The following RABGAP1 variants were observed in gnomAD, a reference collection of about 807,000 sequenced individuals.
RABGAP1 encodes the protein rab GTPase-activating protein 1.
In RABGAP1, 23 loss-of-function variants were observed where a neutral mutation model predicts 137.6. The ratio of observed to expected loss-of-function variants is 0.17; its 90% confidence interval spans 0.12 to 0.24. The LOEUF (loss-of-function observed/expected upper bound fraction) is 0.24. Ranked by LOEUF, RABGAP1 falls within the 10% of genes least tolerant of loss-of-function variation. The probability of loss-of-function intolerance (pLI) is 1.00; values close to 1 mark genes in which losing one functional copy is unlikely to be tolerated. For synonymous variants in RABGAP1, 451 were observed against 450.7 expected, an observed-to-expected ratio of 1.00 and a Z score of -0.01; for missense variants, 906 against 1,275.8, an observed-to-expected ratio of 0.71 and a Z score of 4.42.
At chr9:122,955,938 A>G (rs1834493247) in intron 1 of RABGAP1, among the ~76,000 whole-genome samples, 1 of 152,240 alleles carries the variant, frequency 6.6e-6, no homozygotes, top group South Asian at 2.1e-4. Context: ...ATAACGTTAT[A>G]TCGTTTTGTT....
intron 2 of RABGAP1, among the ~76,000 whole-genome samples, chr9:122,980,699 A>G (rs1187383594): frequency 1.3e-5 from 2 of 152,212 alleles, no homozygotes; most frequent in African/African-American, 4.8e-5. Flanking sequence ...CAAAAGTAAA[A>G]ATCATTTGCA....
chr9:122,941,347 C>T (rs1218518450), intron 1 of RABGAP1, among the ~76,000 whole-genome samples: 5 of 152,208 alleles, frequency 3.3e-5, no homozygotes, highest in Non-Finnish European at 5.9e-5. Flanking sequence ...AAACCGGTTC[C>T]CCCTGTCTGT....
chr9:123,051,316 T>C (rs990055350), intron 13 of RABGAP1, among the ~76,000 whole-genome samples: 2 of 134,856 alleles, frequency 1.5e-5, no homozygotes, highest in Non-Finnish European at 3.1e-5. Flanking sequence ...GGCGCGATCT[T>C]GGCCCACTGC....
chr9:122,947,407 T>C (rs949281807), intron 1 of RABGAP1, among the ~76,000 whole-genome samples: 1 of 152,190 alleles, frequency 6.6e-6, no homozygotes, highest in Admixed American at 6.5e-5. Flanking sequence ...ATGATGGTGA[T>C]GGTTGCATGA....
At chr9:122,956,669 T>C (rs1834544709) in intron 1 of RABGAP1, among the ~76,000 whole-genome samples, 1 of 144,316 alleles carries the variant, frequency 6.9e-6, no homozygotes. Flanking sequence ...AAAAAAAAAT[T>C]AGAGGGTAGA....
intron 13 of RABGAP1, chr9:123,062,661 T>C (rs2034021858): frequency 6.6e-6 from 1 of 152,258 alleles, no homozygotes; most frequent in Non-Finnish European, 1.5e-5. Context: ...CATTCTCTGA[T>C]AATTCCATGA....
intron 13 of RABGAP1, among the ~76,000 whole-genome samples, chr9:123,038,511 T>C (rs1218961389): frequency 1.3e-5 from 1 of 77,104 alleles, no homozygotes; most frequent in Non-Finnish European, 5.9e-5. Flanking sequence ...AAAATCTGCA[T>C]GTTGACTTGG....
intron 1 of RABGAP1, among the ~76,000 whole-genome samples, chr9:122,945,146 G>GTTTTTTTTTTTTTTTTTTTTTTTTTTTTT (rs1564348056): frequency 1.1e-4 from 1 of 9,182 alleles, no homozygotes; most frequent in African/African-American, 1.7e-4. Flanking sequence ...CATAGCTGTT[G>GTTTTTTTTTTTTTTTTTTTTTTTTTTTTT]CTTTTTTTTT....
At chr9:123,081,946 G>A (rs80160904) in intron 19 of RABGAP1, among the ~76,000 whole-genome samples, 2,820 of 152,060 alleles carry the variant, frequency 0.019, 89 homozygotes, top group African/African-American at 0.065. Flanking sequence ...GCTTTCCAAC[G>A]CATTCCACTG....
the RABGAP1 span, among the ~76,000 whole-genome samples, chr9:122,933,814 G>A: frequency 6.6e-6 from 1 of 151,908 alleles, no homozygotes; most frequent in Non-Finnish European, 1.5e-5. Context: ...TAGTAGAGAT[G>A]GGGTTTTACC....
chr9:122,985,611 C>CAAAAAAA (rs34147826), intron 3 of RABGAP1, among the ~76,000 whole-genome samples: 3 of 91,102 alleles, frequency 3.3e-5, no homozygotes, highest in Non-Finnish European at 3.9e-5. Flanking sequence ...GACTCCGTCT[C>CAAAAAAA]AAAAAAAAAA....
At chr9:122,997,979 C>A (rs898199480) in intron 9 of RABGAP1, among the ~76,000 whole-genome samples, 1 of 152,076 alleles carries the variant, frequency 6.6e-6, no homozygotes, top group Non-Finnish European at 1.5e-5. Flanking sequence ...CATTGTTAAC[C>A]AAATTTAAAA....
intron 5 of RABGAP1, 39 bp from the exon 6 acceptor site, chr9:122,990,017 T>G: frequency 6.6e-7 from 1 of 1,516,538 alleles, no homozygotes; most frequent in Non-Finnish European, 9.0e-7. Context: ...ATTTTATATC[T>G]TTTGATAACA....
chr9:123,009,531 T>G (rs1227256628), intron 10 of RABGAP1, among the ~76,000 whole-genome samples: 1 of 152,182 alleles, frequency 6.6e-6, no homozygotes, highest in Non-Finnish European at 1.5e-5. Context: ...AGCTCTCCCT[T>G]TTTATTCTTC....
At chr9:122,957,885 T>C (rs1446176061) in intron 2 of RABGAP1, among the ~76,000 whole-genome samples, 1 of 87,360 alleles carries the variant, frequency 1.1e-5, no homozygotes, top group Non-Finnish European at 2.1e-5. Flanking sequence ...GCTTTAATTC[T>C]TTTTTTTTTT....
At chr9:122,959,122 A>T (rs1436027819) in intron 2 of RABGAP1, among the ~76,000 whole-genome samples, 1 of 152,286 alleles carries the variant, frequency 6.6e-6, no homozygotes, top group South Asian at 2.1e-4. Flanking sequence ...TTTTTAGAGA[A>T]GGTCTTGAGA....
At chr9:123,002,522 C>T (rs28674730) in intron 10 of RABGAP1, among the ~76,000 whole-genome samples, 16,571 of 151,466 alleles carry the variant, frequency 0.11, 2,907 homozygotes, top group African/African-American at 0.37. Context: ...TTCCTTTTGA[C>T]ATCTAATGTT....
At position 123,024,142 on chromosome 9, in the gene RABGAP1, A is replaced by G. The variant is rs73664161; in HGVS notation, c.1794+3683A>G. Among the ~76,000 whole-genome samples, 297 of 152,346 alleles carry G rather than the reference A, an allele frequency of 1.9e-3. 2 individuals are homozygous for G. Among genetic ancestry groups the G allele is most frequent in the African/African-American group, 6.6e-3 (276 of 41,564 alleles). On this transcript the variant is annotated intron_variant, in intron 13 of 25. Coordinates refer to ENST00000373647, the MANE Select transcript of RABGAP1 (RefSeq NM_012197.4). ...AAGGTGTTTCTTATTTCAATAAGCA[A>G]TGGAGTTAGTTTCTTCTTCCCGTTT...
At chr9:123,063,594 C>T (rs2034061155) in intron 13 of RABGAP1, among the ~76,000 whole-genome samples, 1 of 152,196 alleles carries the variant, frequency 6.6e-6, no homozygotes, top group African/African-American at 2.4e-5. Context: ...GTAGTGGAAT[C>T]TCATTGTGGT....
Sources: allele counts gnomAD v4.1 joint callset (sites outside exome capture counted in the v4.1 genomes callset), GRCh38; gene constraint gnomAD v4.1.1; transcripts MANE v1.5; gene names NCBI Gene and HGNC (gene_info 2026-07-23, HGNC 2026-07-21).